TBX1: variants seen among roughly 807,000 people sequenced by gnomAD.
TBX1 encodes the protein T-box transcription factor TBX1.
Under a neutral mutation model 40.8 loss-of-function variants are expected in TBX1, and 16 were observed. The ratio of observed to expected loss-of-function variants is 0.39; its 90% CI spans 0.27 to 0.60. The LOEUF is 0.60. Ranked by LOEUF, TBX1 falls within the 20% of genes least tolerant of loss-of-function variation. The probability of loss-of-function intolerance (pLI) is 0.51; values close to 1 mark genes in which losing one functional copy is unlikely to be tolerated. For missense variants in TBX1, 755 were observed against 728.5 expected (o/e 1.04, Z -0.42); for synonymous variants, 403 against 336.8 (o/e 1.20, Z -2.15).
At chr22:19,769,622 C>G (rs192453980), downstream of TBX1, among the ~76,000 whole-genome samples, 1 of 152,252 alleles carries the variant, frequency 6.6e-6, no homozygotes, top group African/African-American at 2.4e-5. Flanking sequence ...GGCTGATGCC[C>G]CAGCCACTAC....
chr22:19,781,808 T>C (rs962198384), downstream of TBX1, among the ~76,000 whole-genome samples: 2 of 152,212 alleles, frequency 1.3e-5, no homozygotes, highest in African/African-American at 2.4e-5. Context: ...TTTTCCCCCA[T>C]TGAATGGTCA....
Position 19,760,823 on chromosome 22 carries a change from G to C in TBX1, c.-21G>C. 1 of 794,480 alleles carries C rather than the reference G, an allele frequency of 1.3e-6. No homozygotes were observed. The highest frequency in any genetic ancestry group is 5.4e-5 in the South Asian group (1 of 18,634). 49.2% of individuals were successfully genotyped at this position (794,480 alleles called of 1,614,324 possible). ...CAGCGCTCAGCTTGGTGGCGGGGGC[G>C]GCGGCGGCGGCCCGCGGGTCATGAT... On this transcript the variant is annotated 5_prime_UTR_variant, in exon 1 of 7. Transcript: ENST00000649276.
At chr22:19,770,021 G>T (rs936466604), downstream of TBX1, among the ~76,000 whole-genome samples, 1 of 152,168 alleles carries the variant, frequency 6.6e-6, no homozygotes, top group African/African-American at 2.4e-5. Context: ...GGGCAGTATG[G>T]TGTAGGGGAT....
At chr22:19,762,837 C>T (rs1408025212) in intron 1 of TBX1, among the ~76,000 whole-genome samples, 1 of 152,168 alleles carries the variant, frequency 6.6e-6, no homozygotes, top group Admixed American at 6.5e-5. Context: ...TTTGTTGGAG[C>T]CGGGAGCTGC....
upstream of TBX1, chr22:19,759,678 G>T (rs1288434003): frequency 6.2e-7 from 1 of 1,612,460 alleles, no homozygotes; most frequent in Admixed American, 1.7e-5. Flanking sequence ...GACATGGAAG[G>T]TGAGCCTCCA....
chr22:19,766,232 G>A, intron 6 of TBX1, 157 bp from the exon 7 acceptor site: 2 of 1,105,654 alleles, frequency 1.8e-6, no homozygotes, highest in Admixed American at 4.9e-5. Context: ...GAGGGCTCGG[G>A]GCGCCGGCGA....
At chr22:19,782,798 C>T, downstream of TBX1, 1 of 1,589,374 alleles carries the variant, frequency 6.3e-7, no homozygotes, top group Non-Finnish European at 8.6e-7. Context: ...TCTGTGTTCA[C>T]TCTTTCTTGC....
At chr22:19,777,198 C>T (rs1001471128) in intron 8 of TBX1, among the ~76,000 whole-genome samples, 2 of 152,080 alleles carry the variant, frequency 1.3e-5, no homozygotes, top group Non-Finnish European at 2.9e-5. Flanking sequence ...TCTCCTAATG[C>T]TATCCCTCCC....
chr22:19,764,594 CCTT>C (rs1386506039), intron 3 of TBX1, among the ~76,000 whole-genome samples: 7 of 152,238 alleles, frequency 4.6e-5, no homozygotes, highest in African/African-American at 7.2e-5. Context: ...GGGTCGCCCT[CCTT>C]CTCTCACCCC....
At chr22:19,769,762 C>T (rs149433925), downstream of TBX1, among the ~76,000 whole-genome samples, 243 of 152,338 alleles carry the variant, frequency 1.6e-3, 1 homozygote, top group African/African-American at 5.5e-3. Context: ...AGCCTTTAGG[C>T]GGTGATTAGG....
In TBX1 at chr22:19,767,004, C is replaced by T. The variant is rs1936884746; in HGVS notation, c.*137C>T. The T allele has an allele frequency of 7.2e-7, 1 of 1,384,910 alleles. No individual in the cohort carries two copies. The highest frequency in any genetic ancestry group is 9.3e-7 in the Non-Finnish European group (1 of 1,070,798). 85.8% of individuals were successfully genotyped at this position (1,384,910 alleles called of 1,614,324 possible). Reference sequence around the variant, plus strand: ...CACCGCGGCTCTCCCCTTCCCCAGCCTCGAAGCCATGGGGGCCCCCTCGCC... The same window carrying T: ...CACCGCGGCTCTCCCCTTCCCCAGCTTCGAAGCCATGGGGGCCCCCTCGCC... On this transcript the variant is annotated 3_prime_UTR_variant, in exon 7 of 7. Transcript: ENST00000649276.
downstream of TBX1, among the ~76,000 whole-genome samples, chr22:19,769,339 C>CT (rs1248023221): frequency 6.6e-6 from 1 of 152,222 alleles, no homozygotes; most frequent in Non-Finnish European, 1.5e-5. Context: ...GGCTCACAGG[C>CT]CGCGGGTCAC....
At position 19,761,295 on chromosome 22, in the gene TBX1, C is replaced by T; in HGVS notation, c.437+15C>T. On this transcript the variant is annotated intron_variant, in intron 1 of 6. Transcript: ENST00000649276. ...AAGGCCGGCAGGTCAGGGCGCCCCT[C>T]CCCACGCCGCGACCCTCCCCACGTG... 6.5e-7 allele frequency: 1 copy of T among 1,537,504 alleles called. No individual in the cohort carries two copies. The highest frequency in any genetic ancestry group is 8.8e-7 in the Non-Finnish European group (1 of 1,138,956).
intron 8 of TBX1, among the ~76,000 whole-genome samples, chr22:19,775,632 T>C: frequency 6.6e-6 from 1 of 152,144 alleles, no homozygotes; most frequent in South Asian, 2.1e-4. Context: ...CCTCCTGCAA[T>C]GCACGCTCGG....
intron 1 of TBX1, among the ~76,000 whole-genome samples, chr22:19,762,194 G>A (rs972684807): frequency 2.6e-5 from 4 of 152,252 alleles, no homozygotes; most frequent in Non-Finnish European, 5.9e-5. Context: ...GACAGCGGCA[G>A]CCCAGCCGCT....
intron 8 of TBX1, among the ~76,000 whole-genome samples, chr22:19,775,509 G>A (rs1182040306): frequency 1.3e-5 from 2 of 152,254 alleles, no homozygotes; most frequent in African/African-American, 4.8e-5. Context: ...TGCCTCTAAA[G>A]CGGTGGTTTT....
downstream of TBX1, chr22:19,783,239 T>C (rs374871479): frequency 8.0e-5 from 46 of 572,048 alleles, no homozygotes; most frequent in African/African-American, 6.9e-4. Flanking sequence ...TGAGGTGGTT[T>C]ATTAATGTAG....
downstream of TBX1, chr22:19,767,377 T>G: frequency 1.0e-6 from 1 of 986,522 alleles, no homozygotes; most frequent in Non-Finnish European, 1.2e-6. Flanking sequence ...TAGATCGCGT[T>G]GGGAATCTTC....
At chr22:19,778,168 C>T (rs41297842) in intron 8 of TBX1, among the ~76,000 whole-genome samples, 4 of 150,974 alleles carry the variant, frequency 2.6e-5, no homozygotes, top group African/African-American at 7.3e-5. Context: ...GATCAAGGCT[C>T]ACTGCAGCCT....
Sources: allele counts gnomAD v4.1 joint callset (sites outside exome capture counted in the v4.1 genomes callset), GRCh38; gene constraint gnomAD v4.1.1; transcripts MANE v1.5; gene names NCBI Gene and HGNC (gene_info 2026-07-23, HGNC 2026-07-21).